POLR1C: variants seen among roughly 807,000 people sequenced by gnomAD.
The protein encoded by POLR1C is DNA-directed RNA polymerases I and III subunit RPAC1.
Under a neutral mutation model 38.3 loss-of-function variants are expected in POLR1C, and 42 were observed. The ratio of observed to expected loss-of-function variants is 1.10; its 90% CI spans 0.86 to 1.42. POLR1C has a LOEUF of 1.42. Among genes scored for constraint, POLR1C ranks in the 40% most tolerant of loss-of-function variants. The probability of loss-of-function intolerance (pLI) is 0.00; values close to 1 mark genes in which losing one functional copy is unlikely to be tolerated. For missense variants in POLR1C, 507 were observed against 450.5 expected (o/e 1.13, Z -1.14); for synonymous variants, 163 against 163.9 (o/e 0.99, Z 0.04).
chr6:43,526,769 A>T (rs1204941391), intron 8 of POLR1C: 1 of 1,611,904 alleles, frequency 6.2e-7, no homozygotes, highest in South Asian at 1.1e-5. Context: ...AAGCAGGGTT[A>T]CTAGGTGAAG....
At position 43,535,263 on chromosome 6, in the gene POLR1C, A is replaced by C. The variant is rs544532766; in HGVS notation, c.*4+5904A>C. On this transcript the variant is annotated intron_variant, in intron 9 of 10. Transcript: ENST00000607635. ...CAACAGAGCGAGACTCTGTCTCAAA[A>C]AACAACAACAACAACAAAACCCCAA... 4.2e-3 allele frequency among the ~76,000 whole-genome samples: 635 copies of C among 151,492 alleles called. 6 individuals are homozygous for C. Among genetic ancestry groups the C allele is most frequent in the African/African-American group, 0.014 (575 of 41,136 alleles).
At chr6:43,538,139 C>CTTT (rs1160662301) in intron 9 of POLR1C, among the ~76,000 whole-genome samples, 501 of 48,974 alleles carry the variant, frequency 0.01, 63 homozygotes, top group African/African-American at 0.033. Context: ...TAAGAGACAT[C>CTTT]TTTTTTTTTT....
intron 8 of POLR1C, chr6:43,528,147 G>A (rs1379940453): frequency 1.3e-6 from 2 of 1,587,230 alleles, no homozygotes; most frequent in Admixed American, 1.8e-5. Flanking sequence ...AGAGTGGGTA[G>A]GTATCCCTTA....
chr6:43,540,065 G>A (rs752393216), intron 9 of POLR1C, among the ~76,000 whole-genome samples: 1 of 152,220 alleles, frequency 6.6e-6, no homozygotes, highest in African/African-American at 2.4e-5. Flanking sequence ...GAACCAGCCT[G>A]GCCAACATGA....
chr6:43,558,371 G>T, intron 10 of POLR1C: 2 of 765,166 alleles, frequency 2.6e-6, no homozygotes, highest in Non-Finnish European at 2.1e-6. Context: ...GGAAACTAGG[G>T]CCTAATAAGT....
chr6:43,546,033 G>C (rs1794948508), intron 9 of POLR1C, among the ~76,000 whole-genome samples: 1 of 152,146 alleles, frequency 6.6e-6, no homozygotes, highest in African/African-American at 2.4e-5. Context: ...TGATGCTAAT[G>C]CTACTGGTCT....
chr6:43,538,288 T>C (rs1368761495), intron 9 of POLR1C, among the ~76,000 whole-genome samples: 2 of 151,368 alleles, frequency 1.3e-5, no homozygotes, highest in Non-Finnish European at 2.9e-5. Flanking sequence ...TAGCTGAGAC[T>C]ACAGGTGCGC....
chr6:43,533,086 G>C (rs1165865059), downstream of POLR1C, among the ~76,000 whole-genome samples: 1 of 152,154 alleles, frequency 6.6e-6, no homozygotes, highest in Non-Finnish European at 1.5e-5. Context: ...AGTGAGCTGA[G>C]ATTGCACCAC....
At chr6:43,555,826 A>G in intron 10 of POLR1C, 1 of 1,613,826 alleles carries the variant, frequency 6.2e-7, no homozygotes, top group Non-Finnish European at 8.5e-7. Context: ...CAGTAATGAA[A>G]AAAACTTACA....
intron 1 of POLR1C, 40 bp from the exon 2 acceptor site, chr6:43,517,250 GGGGATAGCTGTGGGCT>G: frequency 6.2e-7 from 1 of 1,605,860 alleles, no homozygotes; most frequent in Non-Finnish European, 8.5e-7. Context: ...GGATTGGCGT[GGGGATAGCTGTGGGCT>G]CACTGTCCCT....
At chr6:43,517,473 G>A in intron 2 of POLR1C, 96 bp downstream of exon 2, 5 of 1,048,498 alleles carry the variant, frequency 4.8e-6, no homozygotes, top group South Asian at 1.3e-5. Flanking sequence ...CTTGGGGGTC[G>A]CTCCGTTTGT....
exon 9 of POLR1C, chr6:43,529,552 TC>T: frequency 1.6e-5 from 2 of 123,698 alleles, no homozygotes; most frequent in Admixed American, 7.6e-5. Context: ...AGACTCCGTC[TC>T]AAAAAAAAAA....
intron 9 of POLR1C, among the ~76,000 whole-genome samples, chr6:43,538,082 CAAAAAAA>C (rs1217531011): frequency 5.5e-5 from 2 of 36,130 alleles, no homozygotes; most frequent in African/African-American, 8.1e-5. Flanking sequence ...AAGATGGTCT[CAAAAAAA>C]AAAAAAAAAA....
downstream of POLR1C, chr6:43,531,336 C>A (rs560435636): frequency 2.7e-6 from 2 of 730,640 alleles, no homozygotes; most frequent in Non-Finnish European, 4.5e-6. Context: ...GCTTTCATTT[C>A]TATTTAACAC....
chr6:43,530,507 T>G (rs1000742547), downstream of POLR1C, among the ~76,000 whole-genome samples: 2 of 152,216 alleles, frequency 1.3e-5, no homozygotes, highest in African/African-American at 4.8e-5. Flanking sequence ...TATGGCCATC[T>G]GGACTGCCTT....
Position 43,520,399 on chromosome 6 carries a change from C to A in POLR1C, c.627C>A (p.Asp209Glu). The A allele has an allele frequency of 1.2e-6, 2 of 1,613,830 alleles. No homozygotes were observed. Among genetic ancestry groups the A allele is most frequent in the Non-Finnish European group, 1.7e-6 (2 of 1,180,026 alleles). Residue 209 changes from aspartate (D) to glutamate (E), a missense_variant, in exon 6 of 9, where the codon GAC becomes GAA. Asp to Glu is a conservative substitution (Grantham distance 45). Coordinates refer to ENST00000642195, the MANE Select transcript of POLR1C (RefSeq NM_203290.4). ...IAQLRPGQEI[D>E]LLMHCVKGIG... is the part of the protein sequence containing the mutation. ...AGCTGCGGCCTGGCCAAGAAATTGA[C>A]CTGCTCATGCACTGTGTCAAGGGCA... is the stretch of plus-strand genomic sequence containing the variant.
chr6:43,527,769 A>G, intron 8 of POLR1C: 1 of 1,607,438 alleles, frequency 6.2e-7, no homozygotes, highest in South Asian at 1.1e-5. Context: ...ACAGGAGTGC[A>G]GAAAAGGAAG....
At chr6:43,530,976 C>T (rs574666331), downstream of POLR1C, among the ~76,000 whole-genome samples, 1 of 152,282 alleles carries the variant, frequency 6.6e-6, no homozygotes, top group South Asian at 2.1e-4. Flanking sequence ...GATACAGCAT[C>T]TTTTTAAAGA....
At chr6:43,539,003 C>A (rs1017371435) in intron 9 of POLR1C, 40 of 1,528,812 alleles carry the variant, frequency 2.6e-5, no homozygotes, top group Non-Finnish European at 3.5e-5. Context: ...GGCGAAGTTG[C>A]CCAGGGTGGC....
Sources: allele counts gnomAD v4.1 joint callset (sites outside exome capture counted in the v4.1 genomes callset), GRCh38; gene constraint gnomAD v4.1.1; transcripts MANE v1.5; gene names NCBI Gene and HGNC (gene_info 2026-07-23, HGNC 2026-07-21).